CNBD2: variants seen among roughly 807,000 people sequenced by gnomAD.
CNBD2 encodes cyclic nucleotide-binding domain-containing protein 2.
In CNBD2, 64 loss-of-function variants were observed where a neutral mutation model predicts 63.7. The ratio of observed to expected loss-of-function variants is 1.00; its 90% CI spans 0.82 to 1.24. The LOEUF is 1.24. CNBD2 is among the 50% of genes most tolerant of loss of function. CNBD2 has a pLI of 0.00. For synonymous variants in CNBD2, 229 were observed against 255.4 expected (o/e 0.90, Z 0.99); for missense variants, 691 against 713.5 (o/e 0.97, Z 0.36).
intron 7 of CNBD2, among the ~76,000 whole-genome samples, chr20:35,989,547 C>T (rs1415054183): frequency 6.6e-6 from 1 of 152,006 alleles, no homozygotes; most frequent in East Asian, 1.9e-4. Flanking sequence ...GGAGATGAGC[C>T]CTGACATATT....
intron 7 of CNBD2, among the ~76,000 whole-genome samples, chr20:35,990,839 T>G (rs2056736544): frequency 6.7e-6 from 1 of 149,298 alleles, no homozygotes; most frequent in Admixed American, 6.7e-5. Flanking sequence ...TAGTCCCAGC[T>G]ACTCAGGAGG....
intron 2 of CNBD2, among the ~76,000 whole-genome samples, chr20:35,963,460 G>C (rs1302158653): frequency 2.6e-5 from 4 of 152,010 alleles, no homozygotes; most frequent in African/African-American, 9.7e-5. Flanking sequence ...GGCCAACATG[G>C]TGAAACCCTG....
intron 2 of CNBD2, among the ~76,000 whole-genome samples, chr20:35,962,153 C>T (rs1195970201): frequency 1.3e-5 from 2 of 152,130 alleles, no homozygotes; most frequent in Non-Finnish European, 2.9e-5. Flanking sequence ...CTCTCAGCAC[C>T]GTCACCCTCT....
intron 10 of CNBD2, among the ~76,000 whole-genome samples, chr20:36,013,264 A>G (rs1320621020): frequency 1.3e-5 from 2 of 151,966 alleles, no homozygotes; most frequent in Non-Finnish European, 2.9e-5. Context: ...TAAAAATACA[A>G]AAAATTAGCC....
intron 8 of CNBD2, among the ~76,000 whole-genome samples, chr20:36,004,712 G>A (rs2056961302): frequency 6.6e-6 from 1 of 152,002 alleles, no homozygotes; most frequent in African/African-American, 2.4e-5. Flanking sequence ...ATAGGCATGA[G>A]CCACCACACC....
At chr20:35,963,658 A>G (rs1433529440), upstream of CNBD2, among the ~76,000 whole-genome samples, 2 of 152,080 alleles carry the variant, frequency 1.3e-5, no homozygotes. Flanking sequence ...TAAATAAATA[A>G]ATAAATAGTT....
At chr20:35,957,225 C>T (rs1008010452), downstream of CNBD2, among the ~76,000 whole-genome samples, 15 of 152,186 alleles carry the variant, frequency 9.9e-5, no homozygotes, top group South Asian at 4.1e-4. Flanking sequence ...CTTTGTGGGC[C>T]GGTAAGCCTG....
intron 3 of CNBD2, among the ~76,000 whole-genome samples, chr20:35,979,898 A>C (rs968533731): frequency 2.0e-5 from 3 of 152,220 alleles, no homozygotes; most frequent in Admixed American, 6.5e-5. Flanking sequence ...GAGAGAAGCC[A>C]TTGAGGGTGT....
chr20:35,969,364 A>T (rs1044505475), intron 1 of CNBD2, among the ~76,000 whole-genome samples: 3 of 152,228 alleles, frequency 2.0e-5, no homozygotes, highest in African/African-American at 7.2e-5. Context: ...TTCATAAAGT[A>T]CCTTTCCCCA....
intron 1 of CNBD2, 44 bp downstream of exon 1, chr20:35,968,857 A>C: frequency 6.7e-7 from 1 of 1,498,232 alleles, no homozygotes; most frequent in South Asian, 1.2e-5. Context: ...CAGAAGACTG[A>C]ACAGACAGGT....
At chr20:36,024,680 G>C (rs190284493) in intron 11 of CNBD2, among the ~76,000 whole-genome samples, 11 of 151,380 alleles carry the variant, frequency 7.3e-5, no homozygotes, top group Non-Finnish European at 1.5e-4. Flanking sequence ...TGTAATCCCA[G>C]CACTTTGGGA....
intron 7 of CNBD2, among the ~76,000 whole-genome samples, chr20:35,991,651 C>T (rs550330955): frequency 9.9e-5 from 15 of 152,264 alleles, no homozygotes; most frequent in Admixed American, 8.5e-4. Flanking sequence ...CTTTAATCAG[C>T]ATAATGATTA....
intron 8 of CNBD2, among the ~76,000 whole-genome samples, chr20:36,005,202 G>C (rs1254292516): frequency 6.6e-6 from 1 of 152,160 alleles, no homozygotes; most frequent in Non-Finnish European, 1.5e-5. Context: ...GGCACCAGAG[G>C]CTGGTTTCGT....
At chr20:36,025,776 C>T (rs996931445) in intron 11 of CNBD2, among the ~76,000 whole-genome samples, 1 of 151,924 alleles carries the variant, frequency 6.6e-6, no homozygotes, top group African/African-American at 2.4e-5. Context: ...AAAACTGTTT[C>T]CATCTCACAC....
intron 10 of CNBD2, among the ~76,000 whole-genome samples, chr20:36,013,977 C>T (rs1201159227): frequency 1.3e-5 from 2 of 151,752 alleles, no homozygotes; most frequent in Admixed American, 6.6e-5. Flanking sequence ...GTCAGGAGAT[C>T]GAGACCATCC....
At chr20:36,011,048 C>A in intron 9 of CNBD2, 89 bp from the exon 10 acceptor site, 3 of 1,281,674 alleles carry the variant, frequency 2.3e-6, no homozygotes, top group Non-Finnish European at 3.1e-6. Context: ...GGGAGCCCTC[C>A]ATGTGCAGAA....
At chr20:35,994,585 AAAAG>A (rs1264986355) in intron 7 of CNBD2, among the ~76,000 whole-genome samples, 1 of 150,814 alleles carries the variant, frequency 6.6e-6, no homozygotes, top group Non-Finnish European at 1.5e-5. Flanking sequence ...TAAAAAAAAA[AAAAG>A]AAAAAAAAAA....
At chr20:36,000,744 G>T (rs1024231763) in intron 8 of CNBD2, among the ~76,000 whole-genome samples, 4 of 144,170 alleles carry the variant, frequency 2.8e-5, no homozygotes, top group South Asian at 2.2e-4. Flanking sequence ...TTTTTCATTT[G>T]TGTATGAAAT....
chr20:35,980,427 T>G, intron 3 of CNBD2, 32 bp from the exon 4 acceptor site: 1 of 1,611,362 alleles, frequency 6.2e-7, no homozygotes, highest in Non-Finnish European at 8.5e-7. Flanking sequence ...AATTGCTGGG[T>G]CCCCTGTATC....
Sources: allele counts gnomAD v4.1 joint callset (sites outside exome capture counted in the v4.1 genomes callset), GRCh38; gene constraint gnomAD v4.1.1; transcripts MANE v1.5; gene names NCBI Gene and HGNC (gene_info 2026-07-23, HGNC 2026-07-21).